The following PSTPIP1 variants were observed in gnomAD, a reference collection of about 807,000 sequenced individuals.
PSTPIP1 encodes proline-serine-threonine phosphatase interacting protein 1, also known as proline-serine-threonine phosphatase-interacting protein 1.
A neutral mutation model predicts 69.6 loss-of-function variants in PSTPIP1; 66 were observed. The observed-to-expected ratio is 0.95, with a 90% confidence interval of 0.78 to 1.16. PSTPIP1 has a LOEUF of 1.16. PSTPIP1 is among the 50% of genes most tolerant of loss of function. PSTPIP1 has a pLI of 0.00. For synonymous variants in PSTPIP1, 266 were observed against 222.7 expected, an observed-to-expected ratio of 1.19 and a Z score of -1.73; for missense variants, 603 against 557.4, an observed-to-expected ratio of 1.08 and a Z score of -0.82.
intron 1 of PSTPIP1, chr15:76,999,549 G>C (rs895877383): frequency 1.3e-5 from 2 of 152,274 alleles, no homozygotes; most frequent in Non-Finnish European, 2.9e-5. Context: ...AAAGTGCTGG[G>C]ATTACAGGCG....
intron 1 of PSTPIP1, among the ~76,000 whole-genome samples, chr15:77,000,462 T>TATATATAGATATATATAG (rs1568481875): frequency 2.0e-5 from 2 of 101,886 alleles, no homozygotes; most frequent in African/African-American, 6.2e-5. Context: ...TAAAGAGAGA[T>TATATATAGATATATATAG]ATATATATAT....
intron 1 of PSTPIP1, among the ~76,000 whole-genome samples, chr15:76,995,870 G>C (rs1171179230): frequency 6.6e-6 from 1 of 152,208 alleles, no homozygotes; most frequent in African/African-American, 2.4e-5. Flanking sequence ...CACAGCAGGA[G>C]CTCCTCAGAA....
chr15:77,022,926 C>T (rs1415566630), intron 3 of PSTPIP1, among the ~76,000 whole-genome samples: 1 of 152,196 alleles, frequency 6.6e-6, no homozygotes, highest in Admixed American at 6.5e-5. Context: ...CAAGGCCTAG[C>T]CAGGTCATGG....
At chr15:77,022,131 T>A (rs758158079) in intron 3 of PSTPIP1, among the ~76,000 whole-genome samples, 2 of 152,368 alleles carry the variant, frequency 1.3e-5, no homozygotes, top group East Asian at 1.9e-4. Context: ...GAGAGATTTT[T>A]AAAATTTTTT....
In PSTPIP1 at chr15:77,037,274, C is replaced by T. The variant is rs1264249832; in HGVS notation, c.*98C>T. ...TGCTAGGGCCCAGAACCAAGCGTCC[C>T]CCAGCCCCGAGAGGGAGCCTGTCGT... On this transcript the variant is annotated 3_prime_UTR_variant, in exon 15 of 15. Coordinates refer to ENST00000558012, the MANE Select transcript of PSTPIP1 (RefSeq NM_003978.5). 3 of 1,457,652 alleles carry T rather than the reference C, an allele frequency of 2.1e-6. No homozygotes were observed. Among genetic ancestry groups the T allele is most frequent in the African/African-American group, 1.4e-5 (1 of 70,768 alleles). The allele number at this position is 1,457,652 out of a possible 1,614,324, so 90.3% of individuals were successfully genotyped here.
At chr15:77,026,495 C>A (rs2076284262) in intron 5 of PSTPIP1, among the ~76,000 whole-genome samples, 2 of 152,254 alleles carry the variant, frequency 1.3e-5, no homozygotes. Context: ...GCCTGGGTGT[C>A]CTGGCCATAC....
chr15:77,037,112 G>GA lies in PSTPIP1; in HGVS notation c.1187_1188insA (p.Trp396Ter). Residue 396 changes from tryptophan to a stop codon, truncating the protein, a stop_gained and frameshift_variant, in exon 15 of 15, where the codon TGG (tryptophan) becomes TGAG (stop). Transcript: ENST00000558012. LOFTEE classifies it high-confidence loss of function. ...GTGATCCTGGAAGGGGAGGATGGCTGGTGGACTGTGGAGAGGAACGGGCAG... is the reference window on the plus strand; with the variant it reads ...GTGATCCTGGAAGGGGAGGATGGCTGAGTGGACTGTGGAGAGGAACGGGCAG... ...LEVILEGEDG[W>*]WTVERNGQRG... is the part of the protein sequence containing the mutation. 1.2e-6 allele frequency: 2 copies of GA among 1,612,354 alleles called. No individual in the cohort carries two copies. The highest frequency in any genetic ancestry group is 1.7e-6 in the Non-Finnish European group (2 of 1,179,710).
Position 77,018,445 on chromosome 15 carries a change from T to G in PSTPIP1, c.138-12T>G. The G allele has an allele frequency of 1.9e-6, 3 of 1,564,112 alleles. No individual in the cohort carries two copies. Among genetic ancestry groups the G allele is most frequent in the South Asian group, 1.2e-5 (1 of 85,038 alleles). ...GTCACTGATGATCTTTCAAATGCCCTTTTTTTTGCAGGGCCCAGGCGGAGG... is the reference window on the plus strand; with the variant it reads ...GTCACTGATGATCTTTCAAATGCCCGTTTTTTTGCAGGGCCCAGGCGGAGG... On this transcript the variant is annotated splice_polypyrimidine_tract_variant and intron_variant, in intron 2 of 14. Coordinates refer to ENST00000558012, the MANE Select transcript of PSTPIP1 (RefSeq NM_003978.5).
chr15:76,994,938 C>T (rs2075539981), upstream of PSTPIP1: 1 of 1,250,362 alleles, frequency 8.0e-7, no homozygotes, highest in East Asian at 5.6e-5. Context: ...CCCCTCCTGG[C>T]CACACTGTCA....
Position 77,011,446 on chromosome 15 carries a change from G to A in PSTPIP1, c.37-6702G>A, listed in dbSNP as rs561405744. 7.9e-5 allele frequency among the ~76,000 whole-genome samples: 12 copies of A among 152,340 alleles called. 1 individual carries two copies. In the East Asian group the frequency reaches 1.4e-3, roughly 17 times the overall value. On this transcript the variant is annotated intron_variant, in intron 1 of 14. Coordinates refer to ENST00000558012, the MANE Select transcript of PSTPIP1 (RefSeq NM_003978.5). Reference sequence around the variant, plus strand: ...TCAGGTGAGGGGCCCTGTAAGGCCCGGCAGAGGCCATCAGACTGGGACTCG... The same window carrying A: ...TCAGGTGAGGGGCCCTGTAAGGCCCAGCAGAGGCCATCAGACTGGGACTCG...
intron 12 of PSTPIP1, 42 bp downstream of exon 12, chr15:77,032,994 A>G: frequency 6.4e-7 from 1 of 1,554,220 alleles, no homozygotes; most frequent in Non-Finnish European, 8.7e-7. Context: ...AGGCTGGGCC[A>G]GGAAGTGGGT....
In PSTPIP1 at chr15:77,025,505, G is replaced by A. The variant is rs1014025734; in HGVS notation, c.255G>A (p.Glu85=). ...ASFDSLKQQM[E]NVGSSHIQLA... is the part of the protein sequence containing the mutation. The stretch of plus-strand genomic sequence containing the variant: ...TCCATGCTCTGCCCCCAGAAATGGA[G>A]AATGTGGGCAGCTCACACATCCAGC... Residue 85 remains glutamate, a synonymous_variant, in exon 5 of 15, where the codon GAG becomes GAA. Coordinates refer to ENST00000558012, the MANE Select transcript of PSTPIP1 (RefSeq NM_003978.5). 7.1e-6 allele frequency: 11 copies of A among 1,559,774 alleles called. No individual in the cohort carries two copies. Among genetic ancestry groups the A allele is most frequent in the African/African-American group, 1.4e-5 (1 of 73,410 alleles).
At chr15:77,022,497 C>A (rs1452891430) in intron 3 of PSTPIP1, among the ~76,000 whole-genome samples, 1 of 152,178 alleles carries the variant, frequency 6.6e-6, no homozygotes, top group Non-Finnish European at 1.5e-5. Context: ...CTTCAACATG[C>A]GATGGAGACA....
chr15:77,032,119 A>G (rs931767250), intron 10 of PSTPIP1, among the ~76,000 whole-genome samples, 179 bp from the exon 11 acceptor site: 5 of 152,178 alleles, frequency 3.3e-5, no homozygotes, highest in African/African-American at 9.7e-5. Flanking sequence ...TTGCACACAG[A>G]AGGTGTTCAG....
rs774394333 is a variant in PSTPIP1 at position 77,031,249 on chromosome 15, C to T, written c.712C>T (p.Leu238Phe). Residue 238 changes from leucine to phenylalanine, a missense_variant, in exon 10 of 15, where the codon CTC becomes TTC. Leu to Phe is a conservative substitution (Grantham distance 22). Transcript: ENST00000558012. ...CGCCCTGTGGGTGCACAGCAACCAG[C>T]TCTCCATGCAGTGTGTCAAGGATGA... ...RNALWVHSNQ[L>F]SMQCVKDDEL... 2.5e-6 allele frequency: 4 copies of T among 1,613,066 alleles called. No individual in the cohort carries two copies. The highest frequency in any genetic ancestry group is 1.3e-5 in the African/African-American group (1 of 75,056).
In PSTPIP1 at chr15:77,028,503, C is replaced by A. The variant is rs1358256457; in HGVS notation, c.418-51C>A. The A allele has an allele frequency of 2.7e-6, 4 of 1,468,386 alleles. No homozygotes were observed. In the African/African-American group the frequency reaches 4.3e-5, roughly 16 times the overall value. 91.0% of individuals were successfully genotyped at this position (1,468,386 alleles called of 1,614,324 possible). On this transcript the variant is annotated intron_variant, in intron 6 of 14. Transcript: ENST00000558012. ...GCTAAGGGAGCCTCACTCCCGGGGA[C>A]CACAGAACAGGGCTGTGCAGCCCCC...
At chr15:77,025,420 G>A in intron 4 of PSTPIP1, 78 bp from the exon 5 acceptor site, 2 of 1,580,812 alleles carry the variant, frequency 1.3e-6, no homozygotes, top group East Asian at 2.2e-5. Context: ...GGCTGGGCTG[G>A]CCCACACGGG....
At chr15:77,021,444 C>T (rs1191560222) in intron 3 of PSTPIP1, among the ~76,000 whole-genome samples, 1 of 152,186 alleles carries the variant, frequency 6.6e-6, no homozygotes, top group Admixed American at 6.5e-5. Flanking sequence ...ATAATCCCAT[C>T]ACTTTGGGAG....
intron 3 of PSTPIP1, among the ~76,000 whole-genome samples, chr15:77,021,446 C>T (rs995921073): frequency 2.6e-5 from 4 of 152,168 alleles, no homozygotes; most frequent in Admixed American, 2.0e-4. Flanking sequence ...AATCCCATCA[C>T]TTTGGGAGGC....
Sources: gnomAD v4.1 joint callset for allele counts (sites outside exome capture counted in the v4.1 genomes callset) on GRCh38, gnomAD v4.1.1 for gene constraint, MANE v1.5 for transcripts, NCBI Gene and HGNC (gene_info 2026-07-23, HGNC 2026-07-21) for gene names.